Variants in FRRS1L observed in about 807,000 individuals in gnomAD.
FRRS1L encodes the protein ferric chelate reductase 1 like.
In FRRS1L, 22 loss-of-function variants were observed where a neutral mutation model predicts 28.6. That is an observed-to-expected ratio of 0.77 (90% CI 0.55 to 1.10). FRRS1L has a LOEUF of 1.10. FRRS1L is among the 50% of genes least tolerant of loss of function. The probability of loss-of-function intolerance (pLI) is 0.00; values close to 1 mark genes in which losing one functional copy is unlikely to be tolerated. For missense variants in FRRS1L, 380 were observed against 386.9 expected, an observed-to-expected ratio of 0.98 and a Z score of 0.15; for synonymous variants, 158 against 151.4, an observed-to-expected ratio of 1.04 and a Z score of -0.32.
chr9:109,167,055 G>A lies in FRRS1L; in HGVS notation c.84C>T (p.Ala28=). 1 of 1,186,204 alleles carries A rather than the reference G, an allele frequency of 8.4e-7. No individual in the cohort carries two copies. The highest frequency in any genetic ancestry group is 1.0e-6 in the Non-Finnish European group (1 of 962,184). 73.5% of individuals were successfully genotyped at this position (1,186,204 alleles called of 1,614,324 possible). A position where few individuals can be genotyped will look rare whatever the true frequency, so the allele number is the denominator to read the frequency against. The change falls in exon 1 of 5, where the codon GCC becomes GCT. Residue 28 remains alanine, a synonymous_variant. Transcript: ENST00000561981. ...GGCCCGCACCGTCGTCCGCGGGGCT[G>A]GCTGCGCAGGCGGCGGGCCCCGTCA... ...LLLTGPAACA[A]SPADDGAGPG...
At chr9:109,152,741 G>A (rs560415279) in intron 1 of FRRS1L, among the ~76,000 whole-genome samples, 30 of 141,372 alleles carry the variant, frequency 2.1e-4, no homozygotes, top group East Asian at 6.5e-4. Flanking sequence ...GAGGTGGAGC[G>A]TGCAGTGAGC....
At chr9:109,156,449 C>T (rs1286092813) in intron 1 of FRRS1L, among the ~76,000 whole-genome samples, 1 of 152,148 alleles carries the variant, frequency 6.6e-6, no homozygotes, top group Non-Finnish European at 1.5e-5. Context: ...AGTGCAGTGG[C>T]ACGATCTCGC....
Position 109,167,146 on chromosome 9 carries a change from C to G in FRRS1L, c.-8G>C. 5.2e-6 allele frequency: 6 copies of G among 1,147,550 alleles called. No individual in the cohort carries two copies. The highest frequency in any genetic ancestry group is 6.4e-6 in the Non-Finnish European group (6 of 938,108). 71.1% of individuals were successfully genotyped at this position (1,147,550 alleles called of 1,614,324 possible). A position where few individuals can be genotyped will look rare whatever the true frequency, so the allele number is the denominator to read the frequency against. ...CCGGGGCGGCCGCGCCATCCGTGCG[C>G]ACAGATCCCGCAGCCAGGCCGCTCG... On this transcript the variant is annotated 5_prime_UTR_variant, in exon 1 of 5. Transcript: ENST00000561981.
rs1429342299 is a variant in FRRS1L at position 109,136,033 on chromosome 9, C to T, written c.*1422G>A. On this transcript the variant is annotated 3_prime_UTR_variant, in exon 5 of 5. Transcript: ENST00000561981. The stretch of plus-strand genomic sequence containing the variant: ...TCACCTGAGGTCAGGAGTTCGAGAC[C>T]AGCCTGACTAAAATGGTGAAACTCC... The T allele has an allele frequency of 6.6e-6, 1 of 151,718 alleles. No individual in the cohort carries two copies. Among genetic ancestry groups the T allele is most frequent in the African/African-American group, 2.4e-5 (1 of 41,316 alleles). The allele number at this position is 151,718 out of a possible 1,614,324, so 9.4% of individuals were successfully genotyped here.
chr9:109,154,811 A>C (rs377355040), intron 1 of FRRS1L, among the ~76,000 whole-genome samples: 1 of 152,220 alleles, frequency 6.6e-6, no homozygotes, highest in Non-Finnish European at 1.5e-5. Context: ...ATATTTTACT[A>C]TGATAAACTG....
At chr9:109,149,339 T>C (rs1045004570) in intron 2 of FRRS1L, among the ~76,000 whole-genome samples, 1 of 152,188 alleles carries the variant, frequency 6.6e-6, no homozygotes, top group Non-Finnish European at 1.5e-5. Context: ...CACAGACACG[T>C]TCTGTGTCAC....
At chr9:109,143,206 T>G (rs1033224892) in intron 3 of FRRS1L, among the ~76,000 whole-genome samples, 10 of 151,854 alleles carry the variant, frequency 6.6e-5, no homozygotes, top group African/African-American at 2.2e-4. Context: ...TCCCAGCTAC[T>G]TGGGAGGCTG....
intron 1 of FRRS1L, among the ~76,000 whole-genome samples, chr9:109,162,617 A>G (rs1421794693): frequency 6.6e-6 from 1 of 152,272 alleles, no homozygotes; most frequent in African/African-American, 2.4e-5. Context: ...CCTGCTGCGT[A>G]GTAAGCACAT....
Position 109,131,938 on chromosome 9 carries a change from C to G in FRRS1L, c.*5517G>C, listed in dbSNP as rs988611747. Reference sequence around the variant, plus strand: ...TGTGTAAAACACTCCCATGGTGCAGCAGATTTTGATACAACTTTTATTTTA... The same window carrying G: ...TGTGTAAAACACTCCCATGGTGCAGGAGATTTTGATACAACTTTTATTTTA... On this transcript the variant is annotated 3_prime_UTR_variant, in exon 5 of 5. Coordinates refer to ENST00000561981, the MANE Select transcript of FRRS1L (RefSeq NM_014334.4). 2.1e-5 allele frequency: 3 copies of G among 143,810 alleles called. No homozygotes were observed. The highest frequency in any genetic ancestry group is 7.4e-5 in the African/African-American group (3 of 40,702). The allele number at this position is 143,810 out of a possible 1,614,324, so 8.9% of individuals were successfully genotyped here.
At chr9:109,153,517 T>C (rs762706219) in intron 1 of FRRS1L, among the ~76,000 whole-genome samples, 30 of 152,212 alleles carry the variant, frequency 2.0e-4, no homozygotes, top group Admixed American at 6.5e-5. Context: ...TCATTGACTG[T>C]TCCTGAGTTG....
At chr9:109,157,803 C>T (rs1831430006) in intron 1 of FRRS1L, among the ~76,000 whole-genome samples, 2 of 152,148 alleles carry the variant, frequency 1.3e-5, no homozygotes, top group South Asian at 2.1e-4. Flanking sequence ...TTTCTTCTAT[C>T]GATATACGAC....
chr9:109,154,823 A>T (rs1831383025), intron 1 of FRRS1L, among the ~76,000 whole-genome samples: 1 of 152,198 alleles, frequency 6.6e-6, no homozygotes, highest in Non-Finnish European at 1.5e-5. Flanking sequence ...GATAAACTGA[A>T]AGGACACATT....
chr9:109,156,874 C>T (rs754536333), intron 1 of FRRS1L, among the ~76,000 whole-genome samples: 11 of 151,948 alleles, frequency 7.2e-5, no homozygotes, highest in Non-Finnish European at 1.3e-4. Context: ...GGTTTTGCCA[C>T]GTTGACCAGG....
chr9:109,143,531 T>C (rs962882290), intron 3 of FRRS1L, among the ~76,000 whole-genome samples: 1 of 150,854 alleles, frequency 6.6e-6, no homozygotes, highest in African/African-American at 2.4e-5. Context: ...TTTTTTTTTT[T>C]TCCCCGACAG....
intron 3 of FRRS1L, among the ~76,000 whole-genome samples, chr9:109,144,720 G>A (rs111324449): frequency 1.3e-4 from 19 of 151,338 alleles, no homozygotes; most frequent in Non-Finnish European, 2.2e-4. Flanking sequence ...TTTCATTCTC[G>A]TTGCCCAGGC....
rs1831072373 is a variant in FRRS1L at position 109,132,839 on chromosome 9, T to C, written c.*4616A>G. The C allele has an allele frequency of 6.6e-6, 1 of 152,236 alleles. No individual in the cohort carries two copies. The highest frequency in any genetic ancestry group is 1.5e-5 in the Non-Finnish European group (1 of 68,044). The allele number at this position is 152,236 out of a possible 1,614,324, so 9.4% of individuals were successfully genotyped here. ...TTTTATTGGAACATAGCCATGCTCA[T>C]TCATTTATGTATTGTTTATAGCAGA... is the stretch of plus-strand genomic sequence containing the variant. On this transcript the variant is annotated 3_prime_UTR_variant, in exon 5 of 5. Coordinates refer to ENST00000561981, the MANE Select transcript of FRRS1L (RefSeq NM_014334.4).
chr9:109,139,785 A>C (rs1831157005), intron 4 of FRRS1L: 1 of 152,216 alleles, frequency 6.6e-6, no homozygotes, highest in Admixed American at 6.5e-5. Context: ...TGTCTTCCCA[A>C]TTGGCAACAG....
chr9:109,152,094 A>G (rs1219797323), intron 1 of FRRS1L: 1 of 152,198 alleles, frequency 6.6e-6, no homozygotes, highest in Non-Finnish European at 1.5e-5. Context: ...ATAATACGTT[A>G]GCATACAGCA....
rs1831080206 is a variant in FRRS1L, at chr9:109,133,554, G to T, written c.*3901C>A. 6.6e-6 allele frequency: 1 copy of T among 152,324 alleles called. No individual in the cohort carries two copies. Among genetic ancestry groups the T allele is most frequent in the Non-Finnish European group, 1.5e-5 (1 of 68,034 alleles). The allele number at this position is 152,324 out of a possible 1,614,324, so 9.4% of individuals were successfully genotyped here. ...CATATCACCTCCTTAGGCTTCAGCT[G>T]CACCTCTGTAAAATAAGAGCATTGG... On this transcript the variant is annotated 3_prime_UTR_variant, in exon 5 of 5. Coordinates refer to ENST00000561981, the MANE Select transcript of FRRS1L (RefSeq NM_014334.4).
Sources: allele counts gnomAD v4.1 joint callset (sites outside exome capture counted in the v4.1 genomes callset), GRCh38; gene constraint gnomAD v4.1.1; transcripts MANE v1.5; gene names NCBI Gene and HGNC (gene_info 2026-07-23, HGNC 2026-07-21).